The following TOX variants were observed in gnomAD, a reference collection of about 807,000 sequenced individuals.
TOX encodes the protein thymocyte selection-associated high mobility group box protein TOX.
A neutral mutation model predicts 53.7 loss-of-function variants in TOX; 11 were observed. That is an observed-to-expected ratio of 0.20 (90% CI 0.13 to 0.34). The LOEUF (loss-of-function observed/expected upper bound fraction) is 0.34. TOX is among the 10% of genes least tolerant of loss of function. The pLI, the probability that TOX is intolerant of heterozygous loss-of-function variation, is 1.00. For missense variants in TOX, 570 were observed against 664.6 expected, an observed-to-expected ratio of 0.86 and a Z score of 1.56; for synonymous variants, 225 against 245.3, an observed-to-expected ratio of 0.92 and a Z score of 0.77.
intron 3 of TOX, among the ~76,000 whole-genome samples, chr8:58,868,360 T>C (rs79820422): frequency 0.04 from 6,040 of 152,252 alleles, 153 homozygotes; most frequent in East Asian, 0.12. Flanking sequence ...GTCCACATGA[T>C]AGAGAATCAA....
chr8:59,085,306 T>C (rs1464823347), intron 1 of TOX, among the ~76,000 whole-genome samples: 1 of 152,264 alleles, frequency 6.6e-6, no homozygotes, highest in Admixed American at 6.5e-5. Context: ...ACATTAACTA[T>C]TAAGAAAAGT....
At chr8:58,861,730 T>G (rs1487293714) in intron 3 of TOX, among the ~76,000 whole-genome samples, 4 of 152,178 alleles carry the variant, frequency 2.6e-5, no homozygotes, top group Admixed American at 6.5e-5. Flanking sequence ...CATAGCAGCA[T>G]GAGCTAGCAA....
chr8:58,823,415 G>C lies in TOX; in HGVS notation c.1005+3407C>G, dbSNP rs528926990. On this transcript the variant is annotated intron_variant, in intron 6 of 8. Coordinates refer to ENST00000361421, the MANE Select transcript of TOX (RefSeq NM_014729.3). ...ATTTTTGTAATTTTAGTGGAGACAG[G>C]GTTTCACCATATTGGCCAGGCTGGT... 2.3e-4 allele frequency among the ~76,000 whole-genome samples: 35 copies of C among 151,994 alleles called. 1 individual carries two copies. Among genetic ancestry groups the C allele is most frequent in the Non-Finnish European group, 4.1e-4 (28 of 68,000 alleles).
intron 3 of TOX, among the ~76,000 whole-genome samples, chr8:58,893,515 T>C (rs975956457): frequency 2.0e-5 from 3 of 152,208 alleles, no homozygotes; most frequent in Non-Finnish European, 4.4e-5. Flanking sequence ...ACATAAGTCC[T>C]CAGTGCATGT....
intron 1 of TOX, among the ~76,000 whole-genome samples, chr8:59,099,814 A>G (rs2129424304): frequency 6.6e-6 from 1 of 152,350 alleles, no homozygotes; most frequent in South Asian, 2.1e-4. Flanking sequence ...AAGAAAAAAT[A>G]CATTAAAGAG....
chr8:59,023,349 T>C (rs202038930), intron 1 of TOX, among the ~76,000 whole-genome samples: 2 of 4,404 alleles, frequency 4.5e-4, no homozygotes, highest in African/African-American at 9.1e-4. Context: ...TACCTGAAGG[T>C]ACTCTATGAC....
intron 5 of TOX, among the ~76,000 whole-genome samples, chr8:58,831,326 G>A (rs569952772): frequency 3.0e-4 from 46 of 152,250 alleles, no homozygotes; most frequent in Admixed American, 1.0e-3. Flanking sequence ...TGAGTGCCCA[G>A]TATGTGCCTA....
intron 1 of TOX, among the ~76,000 whole-genome samples, chr8:59,013,742 T>C (rs1813958761): frequency 6.6e-6 from 1 of 152,226 alleles, no homozygotes; most frequent in South Asian, 2.1e-4. Flanking sequence ...TCATTAATCA[T>C]AGGCTAAGCA....
chr8:58,832,855 G>A (rs755007708), intron 5 of TOX, among the ~76,000 whole-genome samples: 1 of 152,172 alleles, frequency 6.6e-6, no homozygotes, highest in African/African-American at 2.4e-5. Flanking sequence ...ATAAAATAAT[G>A]AGGTGTTGCT....
At chr8:58,844,121 C>T (rs1013156680) in intron 4 of TOX, among the ~76,000 whole-genome samples, 6 of 152,146 alleles carry the variant, frequency 3.9e-5, no homozygotes, top group African/African-American at 1.4e-4. Context: ...TAAATCCTAA[C>T]TTTCTGAGAG....
In TOX at chr8:58,970,893, T is replaced by C. The variant is rs774922384; in HGVS notation, c.103-10885A>G. On this transcript the variant is annotated intron_variant, in intron 1 of 8. Coordinates refer to ENST00000361421, the MANE Select transcript of TOX (RefSeq NM_014729.3). ...ATATTCTTTCATTTCTAAATCAAAG[T>C]CTGTCCATGGAAATAGCTAATTTTC... is the stretch of plus-strand genomic sequence containing the variant. Among the ~76,000 whole-genome samples the C allele has an allele frequency of 1.4e-3, 207 of 152,352 alleles. 2 individuals are homozygous for C. Among genetic ancestry groups the C allele is most frequent in the Middle Eastern group, 6.8e-3 (2 of 294 alleles).
intron 3 of TOX, among the ~76,000 whole-genome samples, chr8:58,857,773 CT>C (rs886744932): frequency 1.5e-4 from 22 of 150,124 alleles, no homozygotes; most frequent in Admixed American, 5.3e-4. Context: ...GATTTTCTTT[CT>C]TTTTTTTTTC....
At chr8:58,967,306 G>A (rs892377442) in intron 1 of TOX, among the ~76,000 whole-genome samples, 8 of 152,114 alleles carry the variant, frequency 5.3e-5, no homozygotes, top group African/African-American at 1.4e-4. Flanking sequence ...AATATATGAA[G>A]CCATTTAATT....
chr8:58,884,969 G>A (rs775571998), intron 3 of TOX, among the ~76,000 whole-genome samples: 2 of 152,102 alleles, frequency 1.3e-5, no homozygotes, highest in Non-Finnish European at 2.9e-5. Flanking sequence ...TTTCAAACAT[G>A]TGTAACAATG....
chr8:58,839,907 T>C (rs140789946), intron 4 of TOX, among the ~76,000 whole-genome samples: 9 of 152,384 alleles, frequency 5.9e-5, no homozygotes, highest in South Asian at 2.1e-4. Context: ...TTATTATTTT[T>C]AGCTGTTACC....
chr8:58,868,527 T>C (rs7838499), intron 3 of TOX, among the ~76,000 whole-genome samples: 56,401 of 151,942 alleles, frequency 0.37, 10,623 homozygotes, highest in South Asian at 0.43. Context: ...AATCAAACCA[T>C]GGCTCTTGGT....
intron 4 of TOX, among the ~76,000 whole-genome samples, chr8:58,841,699 G>A (rs1236646277): frequency 6.6e-6 from 1 of 152,056 alleles, no homozygotes; most frequent in African/African-American, 2.4e-5. Context: ...TGACAGATAG[G>A]TTAATTAGTT....
chr8:58,900,976 G>T (rs1235604467), intron 3 of TOX, among the ~76,000 whole-genome samples: 1 of 151,936 alleles, frequency 6.6e-6, no homozygotes, highest in Non-Finnish European at 1.5e-5. Flanking sequence ...TAACTAAAAA[G>T]AATCCACTAT....
chr8:58,872,563 T>C (rs1811216648), intron 3 of TOX, among the ~76,000 whole-genome samples: 1 of 152,152 alleles, frequency 6.6e-6, no homozygotes, highest in Non-Finnish European at 1.5e-5. Context: ...ATACTGATAA[T>C]GTGGACCCTT....
Sources: gnomAD v4.1 joint callset for allele counts (sites outside exome capture counted in the v4.1 genomes callset) on GRCh38, gnomAD v4.1.1 for gene constraint, MANE v1.5 for transcripts, NCBI Gene and HGNC (gene_info 2026-07-23, HGNC 2026-07-21) for gene names.